Variants in SMAP1 observed in about 807,000 individuals in gnomAD.
The protein encoded by SMAP1 is small ArfGAP 1.
SMAP1 carries 24 observed loss-of-function variants against 58.5 expected under a neutral mutation model. The ratio of observed to expected loss-of-function variants is 0.41; its 90% CI spans 0.30 to 0.58. The LOEUF (loss-of-function observed/expected upper bound fraction) is 0.58. SMAP1 is among the 20% of genes least tolerant of loss of function. The pLI is 0.29. For synonymous variants in SMAP1, 216 were observed against 196.6 expected (o/e 1.10, Z -0.82); for missense variants, 563 against 566.3 (o/e 0.99, Z 0.06).
intron 1 of SMAP1, among the ~76,000 whole-genome samples, chr6:70,679,709 G>A (rs1020740417): frequency 6.6e-6 from 1 of 152,168 alleles, no homozygotes; most frequent in African/African-American, 2.4e-5. Context: ...ATAGCTGAGA[G>A]AAATTAATGA....
intron 7 of SMAP1, among the ~76,000 whole-genome samples, chr6:70,839,214 C>T (rs1770712447): frequency 1.3e-5 from 2 of 152,298 alleles, no homozygotes; most frequent in South Asian, 4.1e-4. Context: ...ACATTTTCTA[C>T]CTTCCTGATT....
chr6:70,769,323 G>T (rs1320023173), intron 3 of SMAP1, among the ~76,000 whole-genome samples: 1 of 152,080 alleles, frequency 6.6e-6, no homozygotes, highest in East Asian at 1.9e-4. Flanking sequence ...TTTCTGTCTC[G>T]TTGATCTGTC....
At position 70,815,754 on chromosome 6, in the gene SMAP1, G is replaced by T. The variant is rs141209871; in HGVS notation, c.576+17017G>T. On this transcript the variant is annotated intron_variant, in intron 6 of 10. Coordinates refer to ENST00000370455, the MANE Select transcript of SMAP1 (RefSeq NM_001044305.3). ...TGCTGTCAATCCCCATACACTCAAG[G>T]TGTTTTTTTTTAAGTTTACATAGAC... 3.0e-3 allele frequency among the ~76,000 whole-genome samples: 457 copies of T among 152,078 alleles called. 3 individuals are homozygous for T. Among genetic ancestry groups the T allele is most frequent in the African/African-American group, 0.01 (426 of 41,478 alleles).
chr6:70,846,557 C>G (rs570233089), intron 7 of SMAP1, among the ~76,000 whole-genome samples: 1 of 152,110 alleles, frequency 6.6e-6, no homozygotes, highest in African/African-American at 2.4e-5. Context: ...CCTGGATTAG[C>G]GGAACATTTG....
rs137870105 is a variant in SMAP1, at chr6:70,825,768, G to A, written c.577-11173G>A. 1.9e-3 allele frequency among the ~76,000 whole-genome samples: 287 copies of A among 152,318 alleles called. No individual in the cohort carries two copies. The Middle Eastern group carries it at 0.02, about 11-fold the overall frequency. On this transcript the variant is annotated intron_variant, in intron 6 of 10. Coordinates refer to ENST00000370455, the MANE Select transcript of SMAP1 (RefSeq NM_001044305.3). Reference sequence around the variant, plus strand: ...GAGTGAAAGCAGGCACTATTAAACAGTTAAGTTGGAATAACAGGCATCAGC... The same window carrying A: ...GAGTGAAAGCAGGCACTATTAAACAATTAAGTTGGAATAACAGGCATCAGC...
chr6:70,712,407 A>G (rs932799120), intron 1 of SMAP1, among the ~76,000 whole-genome samples: 4 of 152,206 alleles, frequency 2.6e-5, no homozygotes, highest in African/African-American at 9.6e-5. Context: ...TCCTTGTGGC[A>G]TCTTTGTCCA....
chr6:70,719,261 T>C (rs1271333412), intron 1 of SMAP1, among the ~76,000 whole-genome samples: 1 of 152,236 alleles, frequency 6.6e-6, no homozygotes, highest in Admixed American at 6.5e-5. Context: ...TATTTTCAAA[T>C]GAAGAAACTG....
At chr6:70,842,670 A>G (rs1258791109) in intron 7 of SMAP1, among the ~76,000 whole-genome samples, 1 of 152,176 alleles carries the variant, frequency 6.6e-6, no homozygotes, top group African/African-American at 2.4e-5. Flanking sequence ...AGGACATCTA[A>G]TTATCTCATT....
intron 6 of SMAP1, among the ~76,000 whole-genome samples, chr6:70,816,245 T>C (rs1364153408): frequency 6.6e-6 from 1 of 152,242 alleles, no homozygotes; most frequent in South Asian, 2.1e-4. Flanking sequence ...TTAACTGAAG[T>C]ATAGGACAAT....
intron 2 of SMAP1, among the ~76,000 whole-genome samples, chr6:70,743,820 G>T (rs372045732): frequency 6.6e-6 from 1 of 152,164 alleles, no homozygotes; most frequent in African/African-American, 2.4e-5. Context: ...TTGGGTTATT[G>T]TATTGCCTGC....
chr6:70,709,587 G>A (rs894410232), intron 1 of SMAP1, among the ~76,000 whole-genome samples: 3 of 152,140 alleles, frequency 2.0e-5, no homozygotes, highest in African/African-American at 7.2e-5. Flanking sequence ...TTCCCAAAGT[G>A]TTGGGATTAT....
At chr6:70,689,269 A>G (rs1767059580) in intron 1 of SMAP1, among the ~76,000 whole-genome samples, 1 of 152,156 alleles carries the variant, frequency 6.6e-6, no homozygotes, top group Non-Finnish European at 1.5e-5. Flanking sequence ...TCAGCATCCC[A>G]AAGTGCTGGG....
At chr6:70,690,064 A>C (rs747722496) in intron 1 of SMAP1, among the ~76,000 whole-genome samples, 1 of 151,898 alleles carries the variant, frequency 6.6e-6, no homozygotes. Context: ...ATTTTATTGC[A>C]CTGACTAGAA....
chr6:70,765,867 G>GT (rs1256522532), intron 3 of SMAP1, among the ~76,000 whole-genome samples: 3 of 151,624 alleles, frequency 2.0e-5, no homozygotes, highest in African/African-American at 7.3e-5. Context: ...TTAGCATTAG[G>GT]TATATCTCCT....
At chr6:70,837,681 T>TTTA in intron 7 of SMAP1, 5 of 636,488 alleles carry the variant, frequency 7.9e-6, no homozygotes, top group Non-Finnish European at 1.0e-5. Context: ...TTTTTTTTTT[T>TTTA]ACATTTTTTT....
At chr6:70,761,180 G>T (rs1226557613) in intron 3 of SMAP1, among the ~76,000 whole-genome samples, 1 of 151,978 alleles carries the variant, frequency 6.6e-6, no homozygotes, top group Non-Finnish European at 1.5e-5. Flanking sequence ...CATGTTAAAA[G>T]ATAAAGCGTA....
chr6:70,835,816 A>G lies in SMAP1; in HGVS notation c.577-1125A>G, dbSNP rs1056973916. Among the ~76,000 whole-genome samples, 4 of 152,108 alleles carry G rather than the reference A, an allele frequency of 2.6e-5. No homozygotes were observed. The South Asian group carries it at 8.3e-4, about 32-fold the overall frequency. ...GTCACTGCACTCAACTGAACGTTTT[A>G]TTTTCTTAGTTTATTAGAAGTAGGC... is the stretch of plus-strand genomic sequence containing the variant. On this transcript the variant is annotated intron_variant, in intron 6 of 10. Transcript: ENST00000370455.
At chr6:70,796,005 A>G (rs1464412160) in intron 5 of SMAP1, among the ~76,000 whole-genome samples, 1 of 152,206 alleles carries the variant, frequency 6.6e-6, no homozygotes, top group Non-Finnish European at 1.5e-5. Flanking sequence ...CTGGGATTAC[A>G]GGCATGAGCC....
chr6:70,725,913 T>C (rs1768764415), intron 1 of SMAP1, among the ~76,000 whole-genome samples: 1 of 152,228 alleles, frequency 6.6e-6, no homozygotes, highest in Non-Finnish European at 1.5e-5. Flanking sequence ...ATCATTAGCC[T>C]CAACGGAAGT....
Sources: gnomAD v4.1 joint callset for allele counts (sites outside exome capture counted in the v4.1 genomes callset) on GRCh38, gnomAD v4.1.1 for gene constraint, MANE v1.5 for transcripts, NCBI Gene and HGNC (gene_info 2026-07-23, HGNC 2026-07-21) for gene names.